SAFB2: variants seen among roughly 807,000 people sequenced by gnomAD.
The protein encoded by SAFB2 is scaffold attachment factor B2.
A neutral mutation model predicts 100.6 loss-of-function variants in SAFB2; 32 were observed. The ratio of observed to expected loss-of-function variants is 0.32; its 90% CI spans 0.24 to 0.43. The LOEUF is 0.43. Ranked by LOEUF, SAFB2 falls within the 20% of genes least tolerant of loss-of-function variation. The pLI is 1.00. For synonymous variants in SAFB2, 500 were observed against 439.4 expected (o/e 1.14, Z -1.72); for missense variants, 1,185 against 1,163.4 (o/e 1.02, Z -0.27).
intron 2 of SAFB2, among the ~76,000 whole-genome samples, chr19:5,618,885 T>TAA (rs1221020877): frequency 2.0e-5 from 3 of 152,228 alleles, no homozygotes; most frequent in African/African-American, 7.2e-5. Context: ...ATCTAAAACT[T>TAA]AAATTTTTAA....
intron 9 of SAFB2, among the ~76,000 whole-genome samples, chr19:5,605,584 C>T (rs924201627): frequency 1.3e-5 from 2 of 152,196 alleles, no homozygotes; most frequent in African/African-American, 4.8e-5. Flanking sequence ...CTAAGAAATG[C>T]ACCCATCCAC....
intron 17 of SAFB2, among the ~76,000 whole-genome samples, chr19:5,590,755 G>A (rs2052379633): frequency 6.6e-6 from 1 of 151,366 alleles, no homozygotes; most frequent in East Asian, 1.9e-4. Context: ...GATAACAGGA[G>A]GGCCCTCGGG....
intron 13 of SAFB2, among the ~76,000 whole-genome samples, chr19:5,598,138 A>G (rs964082469): frequency 3.0e-4 from 45 of 151,354 alleles, no homozygotes; most frequent in Admixed American, 1.2e-3. Context: ...CCATCTCAAA[A>G]AAAAAAAAAA....
At position 5,587,676 on chromosome 19, in the gene SAFB2, G is replaced by A. The variant is rs750066079; in HGVS notation, c.2705+25C>T. 1.2e-5 allele frequency: 19 copies of A among 1,539,318 alleles called. No homozygotes were observed. In the African/African-American group the frequency reaches 1.8e-4, roughly 15 times the overall value. On this transcript the variant is annotated intron_variant, in intron 20 of 20. Transcript: ENST00000252542. The surrounding 1 kb of genome is among the most constrained non-coding windows in gnomAD (Gnocchi z 4.9). The stretch of plus-strand genomic sequence containing the variant: ...AAGTGAGGAGCAGGAGTGAACCACC[G>A]TCCTCCACGGACGACACACCTTACC...
In SAFB2 at chr19:5,595,289, A is replaced by G. The variant is rs2052512326; in HGVS notation, c.1919+72T>C. 2.6e-6 allele frequency: 4 copies of G among 1,559,594 alleles called. No individual in the cohort carries two copies. The East Asian group carries it at 6.7e-5, about 26-fold the overall frequency. On this transcript the variant is annotated intron_variant, in intron 14 of 20. Coordinates refer to ENST00000252542, the MANE Select transcript of SAFB2 (RefSeq NM_014649.3). Reference sequence around the variant, plus strand: ...TCGGGCACACAGACTGCGCACTCCAAGTACAGCTGGGAGAAGGACAGCCAC... The same window carrying G: ...TCGGGCACACAGACTGCGCACTCCAGGTACAGCTGGGAGAAGGACAGCCAC...
chr19:5,612,316 C>T (rs2145352841), intron 6 of SAFB2: 1 of 568,330 alleles, frequency 1.8e-6, no homozygotes, highest in East Asian at 2.9e-5. Context: ...TGAAAAGAAT[C>T]ACTACTACAT....
intron 17 of SAFB2, 76 bp from the exon 18 acceptor site, chr19:5,590,484 C>G (rs2052371852): frequency 2.0e-6 from 3 of 1,466,940 alleles, no homozygotes; most frequent in Non-Finnish European, 2.7e-6. Flanking sequence ...GGCCTGTCCA[C>G]TGCAGGCCCC....
chr19:5,616,595 A>T, intron 2 of SAFB2, 109 bp from the exon 3 acceptor site: 1 of 897,110 alleles, frequency 1.1e-6, no homozygotes, highest in Non-Finnish European at 1.8e-6. Flanking sequence ...AAGATAAACT[A>T]TAAGTCTCCC....
intron 9 of SAFB2, among the ~76,000 whole-genome samples, chr19:5,605,389 GAC>G (rs1405666472): frequency 1.3e-5 from 2 of 152,124 alleles, no homozygotes; most frequent in African/African-American, 2.4e-5. Context: ...ACAGGCATGA[GAC>G]ACCGCACCCA....
chr19:5,587,480 C>CA lies in SAFB2; in HGVS notation c.2706-82dup. ...TAACATGGGTTCAGTAACGGTCCCG[C>CA]AGCCTTTAGAGCGCTTGGGTTTTTT... On this transcript the variant is annotated intron_variant, in intron 20 of 20. Coordinates refer to ENST00000252542, the MANE Select transcript of SAFB2 (RefSeq NM_014649.3). This position sits in a 1 kb window ranked among gnomAD's most constrained non-coding sequence, Gnocchi z 4.9. 6.6e-7 allele frequency: 1 copy of CA among 1,521,892 alleles called. No homozygotes were observed. Among genetic ancestry groups the CA allele is most frequent in the Non-Finnish European group, 8.9e-7 (1 of 1,127,876 alleles). The allele number at this position is 1,521,892 out of a possible 1,614,324, so 94.3% of individuals were successfully genotyped here.
chr19:5,616,439 C>G lies in SAFB2; in HGVS notation c.322G>C (p.Asp108His). The G allele has an allele frequency of 3.1e-6, 5 of 1,613,992 alleles. 1 individual carries two copies. The highest frequency in any genetic ancestry group is 4.2e-6 in the Non-Finnish European group (5 of 1,179,986). Reference protein sequence around the residue: ...EGTEDNGLEDDSRDGQEDMEA... With the variant: ...EGTEDNGLEDHSRDGQEDMEA... ...TCACTTACCTGCCCGTCTCTGGAAT[C>G]GTCTTCCAGGCCATTATCTTCTGTG... The change falls in exon 3 of 21, where the codon GAT becomes CAT. Residue 108 changes from aspartate (D) to histidine (H), a missense_variant. This residue lies in a region of SAFB2 where 351 missense variants were observed against 341.2 expected (regional missense o/e 1.03). Coordinates refer to ENST00000252542, the MANE Select transcript of SAFB2 (RefSeq NM_014649.3).
chr19:5,614,821 A>G (rs1382151023), intron 4 of SAFB2, among the ~76,000 whole-genome samples: 2 of 152,220 alleles, frequency 1.3e-5, no homozygotes, highest in Non-Finnish European at 1.5e-5. Flanking sequence ...CTTTACATAC[A>G]AGGATGCTCA....
intron 13 of SAFB2, among the ~76,000 whole-genome samples, chr19:5,596,582 G>A (rs186237331): frequency 6.6e-6 from 1 of 152,232 alleles, no homozygotes; most frequent in South Asian, 2.1e-4. Flanking sequence ...GAGCTCAAGT[G>A]ATCTGCTGCT....
chr19:5,617,686 C>T (rs1300608825), intron 2 of SAFB2, among the ~76,000 whole-genome samples: 1 of 152,164 alleles, frequency 6.6e-6, no homozygotes, highest in Non-Finnish European at 1.5e-5. Flanking sequence ...GCTAGTGATG[C>T]TGGTCACGAC....
At chr19:5,612,178 T>G (rs1289624546) in intron 6 of SAFB2, 1 of 354,108 alleles carries the variant, frequency 2.8e-6, no homozygotes, top group Non-Finnish European at 5.2e-6. Context: ...GACAACAGCT[T>G]TATCCTGCCT....
chr19:5,613,679 C>G (rs2052959772), intron 4 of SAFB2, 152 bp from the exon 5 acceptor site: 1 of 1,455,294 alleles, frequency 6.9e-7, no homozygotes. Context: ...CAGCACCTGC[C>G]TCTCCGCCAG....
intron 15 of SAFB2, 108 bp from the exon 16 acceptor site, chr19:5,592,995 C>A: frequency 2.0e-6 from 2 of 1,009,488 alleles, no homozygotes; most frequent in Admixed American, 2.2e-5. Flanking sequence ...GACCCAGTAT[C>A]GTTTAAAATG....
chr19:5,587,723 C>G lies in SAFB2; in HGVS notation c.2683G>C (p.Ala895Pro). The change falls in exon 20 of 21, where the codon GCA becomes CCA. Residue 895 changes from alanine to proline, a missense_variant. By Grantham distance (27) the Ala-to-Pro change is conservative. Coordinates refer to ENST00000252542, the MANE Select transcript of SAFB2 (RefSeq NM_014649.3). This position sits in a 1 kb window ranked among gnomAD's most constrained non-coding sequence, Gnocchi z 4.9. ...TACCCCGCCACTCCACCGCGGCTTGCCATGTGCCCCGGCCCCGAGGGCCCA... is the reference window on the plus strand; with the variant it reads ...TACCCCGCCACTCCACCGCGGCTTGGCATGTGCCCCGGCCCCGAGGGCCCA... ...LSGPSGPGHMASRGGVAGRGG... is the reference protein window; with the variant it reads ...LSGPSGPGHMPSRGGVAGRGG... The G allele has an allele frequency of 6.4e-7, 1 of 1,552,266 alleles. No homozygotes were observed. Among genetic ancestry groups the G allele is most frequent in the Non-Finnish European group, 8.7e-7 (1 of 1,147,424 alleles).
At position 5,609,991 on chromosome 19, in the gene SAFB2, A is replaced by G; in HGVS notation, c.1296+4T>C. ...TGGATGGTATGAGGCAAGGGAAGGC[A>G]TACCTTCCCATACTTGCTGAAAAGG... On this transcript the variant is annotated splice_donor_region_variant and intron_variant, in intron 9 of 20. Coordinates refer to ENST00000252542, the MANE Select transcript of SAFB2 (RefSeq NM_014649.3). The G allele has an allele frequency of 6.2e-7, 1 of 1,613,066 alleles. No homozygotes were observed. Among genetic ancestry groups the G allele is most frequent in the Non-Finnish European group, 8.5e-7 (1 of 1,179,182 alleles).
Sources: allele counts gnomAD v4.1 joint callset (sites outside exome capture counted in the v4.1 genomes callset), GRCh38; gene constraint gnomAD v4.1.1; regional missense constraint gnomAD v4.1.1; non-coding constraint Gnocchi (gnomAD v3.1); transcripts MANE v1.5; gene names NCBI Gene and HGNC (gene_info 2026-07-23, HGNC 2026-07-21).